The following USP49 variants were observed in gnomAD, a reference collection of about 807,000 sequenced individuals.
USP49 encodes the protein ubiquitin carboxyl-terminal hydrolase 49.
USP49 carries 24 observed loss-of-function variants against 58.6 expected under a neutral mutation model. That is an observed-to-expected ratio of 0.41 (90% CI 0.30 to 0.58). USP49 has a LOEUF of 0.58. USP49 is among the 20% of genes least tolerant of loss of function. USP49 has a pLI of 0.30. For synonymous variants in USP49, 408 were observed against 365.1 expected (o/e 1.12, Z -1.34); for missense variants, 703 against 866.1 (o/e 0.81, Z 2.36).
intron 3 of USP49, among the ~76,000 whole-genome samples, chr6:41,838,577 A>C (rs1326736752): frequency 6.6e-6 from 1 of 152,200 alleles, no homozygotes; most frequent in Non-Finnish European, 1.5e-5. Context: ...GGGGGAGAGC[A>C]CCACATCAAG....
At chr6:41,848,551 T>G (rs1224396921) in intron 3 of USP49, among the ~76,000 whole-genome samples, 1 of 151,924 alleles carries the variant, frequency 6.6e-6, no homozygotes, top group Non-Finnish European at 1.5e-5. Context: ...TATATATATA[T>G]TTTTTGGAGA....
intron 3 of USP49, among the ~76,000 whole-genome samples, chr6:41,867,242 C>T (rs563255193): frequency 6.6e-6 from 1 of 152,292 alleles, no homozygotes; most frequent in South Asian, 2.1e-4. Flanking sequence ...TCTAATTACA[C>T]GACCTGTAAG....
chr6:41,827,426 G>A (rs766843332), intron 3 of USP49, among the ~76,000 whole-genome samples: 12 of 152,112 alleles, frequency 7.9e-5, no homozygotes, highest in Non-Finnish European at 1.8e-4. Flanking sequence ...TTGGGAGGCC[G>A]AGGCGGATGG....
intron 3 of USP49, among the ~76,000 whole-genome samples, chr6:41,865,421 C>T (rs1282315823): frequency 6.6e-6 from 1 of 152,182 alleles, no homozygotes; most frequent in African/African-American, 2.4e-5. Flanking sequence ...AAAAGAACAG[C>T]GGGATAGGCC....
intron 3 of USP49, among the ~76,000 whole-genome samples, chr6:41,847,936 G>A (rs1773951440): frequency 6.6e-6 from 1 of 152,142 alleles, no homozygotes; most frequent in East Asian, 1.9e-4. Flanking sequence ...GAACCTCAAA[G>A]GACTTCAACA....
intron 3 of USP49, among the ~76,000 whole-genome samples, chr6:41,857,485 A>C (rs1485630454): frequency 1.3e-5 from 2 of 152,182 alleles, no homozygotes; most frequent in African/African-American, 4.8e-5. Context: ...TCTCTACAAA[A>C]AAATACAAAA....
In USP49 at chr6:41,798,871, A is replaced by T. The variant is rs770926260; in HGVS notation, c.1729T>A (p.Leu577Ile). 1 of 1,614,096 alleles carries T rather than the reference A, an allele frequency of 6.2e-7. No homozygotes were observed. The highest frequency in any genetic ancestry group is 8.5e-7 in the Non-Finnish European group (1 of 1,180,006). ...CTGCAGCAGTAAGGTTCCATGGTTA[A>T]TACCTGGTCAAAGACGACATGGACC... is the stretch of plus-strand genomic sequence containing the variant. ...IGVHVVFDQVLTMEPYCCRDM... is the reference protein window; with the variant it reads ...IGVHVVFDQVITMEPYCCRDM... The change falls in exon 7 of 8, where the codon TTA becomes ATA. Residue 577 changes from leucine (L) to isoleucine (I), a missense_variant. Around this residue, in one of 6 missense-constraint regions of USP49, gnomAD observed 158 missense variants for 241.2 expected, o/e 0.66. Coordinates refer to ENST00000682992, the MANE Select transcript of USP49 (RefSeq NM_001286554.2).
chr6:41,880,471 C>A (rs1054842173), intron 2 of USP49, among the ~76,000 whole-genome samples: 2 of 152,060 alleles, frequency 1.3e-5, no homozygotes, highest in East Asian at 3.9e-4. Context: ...CAAAACAAGG[C>A]CTAGAATGAG....
At chr6:41,867,553 C>A (rs1371423315) in intron 3 of USP49, among the ~76,000 whole-genome samples, 1 of 140,066 alleles carries the variant, frequency 7.1e-6, no homozygotes, top group Non-Finnish European at 1.5e-5. Flanking sequence ...ACCATCCTGG[C>A]TAATATGGTG....
intron 3 of USP49, among the ~76,000 whole-genome samples, chr6:41,860,991 T>C (rs1028516945): frequency 2.6e-5 from 4 of 151,794 alleles, no homozygotes; most frequent in African/African-American, 9.7e-5. Context: ...TAGCTGGGCA[T>C]GGTGGCACAC....
chr6:41,839,454 T>G (rs1180500943), intron 3 of USP49, among the ~76,000 whole-genome samples: 1 of 33,670 alleles, frequency 3.0e-5, no homozygotes, highest in Admixed American at 3.1e-4. Context: ...AGAGCATAAA[T>G]AGACAATCTA....
At chr6:41,893,660 C>T (rs1274776227) in intron 1 of USP49, among the ~76,000 whole-genome samples, 3 of 152,168 alleles carry the variant, frequency 2.0e-5, no homozygotes, top group Non-Finnish European at 2.9e-5. Context: ...AGAGTTTATA[C>T]TTTATCATCC....
At chr6:41,840,384 A>AT (rs1773804282) in intron 3 of USP49, among the ~76,000 whole-genome samples, 1 of 151,906 alleles carries the variant, frequency 6.6e-6, no homozygotes. Context: ...AAAAAAAAAA[A>AT]AAAAAGAAAA....
Position 41,798,706 on chromosome 6 carries a change from A to G in USP49, c.1876+18T>C. On this transcript the variant is annotated intron_variant, in intron 7 of 7. Coordinates refer to ENST00000682992, the MANE Select transcript of USP49 (RefSeq NM_001286554.2). Reference sequence around the variant, plus strand: ...CCCCTTTCCGTGTCCCCCACCCCACAGAGTAAAGCGCACGCACCTCCCTCT... The same window carrying G: ...CCCCTTTCCGTGTCCCCCACCCCACGGAGTAAAGCGCACGCACCTCCCTCT... 5 of 1,612,060 alleles carry G rather than the reference A, an allele frequency of 3.1e-6. No individual in the cohort carries two copies. The highest frequency in any genetic ancestry group is 4.2e-6 in the Non-Finnish European group (5 of 1,178,220).
At chr6:41,853,959 A>G (rs1194240235) in intron 3 of USP49, among the ~76,000 whole-genome samples, 1 of 125,282 alleles carries the variant, frequency 8.0e-6, no homozygotes, top group African/African-American at 3.1e-5. Flanking sequence ...AGATTGCGCC[A>G]TTGCACTCCA....
chr6:41,840,363 A>G (rs1314380184), intron 3 of USP49, among the ~76,000 whole-genome samples: 8 of 150,426 alleles, frequency 5.3e-5, no homozygotes, highest in Non-Finnish European at 8.9e-5. Context: ...GACCGAGCAA[A>G]ACTCCGTCTC....
At chr6:41,875,954 A>T (rs189901193) in intron 2 of USP49, among the ~76,000 whole-genome samples, 4 of 152,046 alleles carry the variant, frequency 2.6e-5, no homozygotes, top group African/African-American at 9.6e-5. Context: ...CTGGTCTCGA[A>T]CTCCTGACCT....
intron 3 of USP49, among the ~76,000 whole-genome samples, chr6:41,848,273 G>A (rs1294681622): frequency 2.6e-5 from 4 of 151,968 alleles, no homozygotes; most frequent in African/African-American, 7.2e-5. Context: ...AACAAAACAC[G>A]AAAAAGGCAG....
chr6:41,863,695 T>C (rs1359683415), intron 3 of USP49, among the ~76,000 whole-genome samples: 1 of 152,186 alleles, frequency 6.6e-6, no homozygotes. Context: ...TAGCACGTGA[T>C]AGTGCCTAGC....
Sources: gnomAD v4.1 joint callset for allele counts (sites outside exome capture counted in the v4.1 genomes callset) on GRCh38, gnomAD v4.1.1 for gene constraint, gnomAD v4.1.1 regional missense constraint, MANE v1.5 for transcripts, NCBI Gene and HGNC (gene_info 2026-07-23, HGNC 2026-07-21) for gene names.